Variants in RNF157 observed in about 807,000 individuals in gnomAD.
RNF157 encodes the protein ring finger protein 157.
A neutral mutation model predicts 88.3 loss-of-function variants in RNF157; 55 were observed. The ratio of observed to expected loss-of-function variants is 0.62; its 90% CI spans 0.50 to 0.78. The LOEUF is 0.78. RNF157 is among the 30% of genes least tolerant of loss of function. The probability of loss-of-function intolerance (pLI) is 0.00; values close to 1 mark genes in which losing one functional copy is unlikely to be tolerated. For synonymous variants in RNF157, 334 were observed against 341.2 expected, an observed-to-expected ratio of 0.98 and a Z score of 0.23; for missense variants, 788 against 860.8, an observed-to-expected ratio of 0.92 and a Z score of 1.06.
At chr17:76,182,542 C>G (rs1280457415) in intron 2 of RNF157, among the ~76,000 whole-genome samples, 3 of 150,280 alleles carry the variant, frequency 2.0e-5, no homozygotes, top group South Asian at 4.2e-4. Flanking sequence ...TTACACTACT[C>G]CTACGGTTGT....
chr17:76,203,352 C>T (rs2069619535), intron 2 of RNF157, among the ~76,000 whole-genome samples: 1 of 152,114 alleles, frequency 6.6e-6, no homozygotes, highest in Non-Finnish European at 1.5e-5. Flanking sequence ...GAAATTGAGA[C>T]TCACTGATTG....
At chr17:76,171,378 G>A (rs1281931550) in intron 3 of RNF157, among the ~76,000 whole-genome samples, 8 of 150,870 alleles carry the variant, frequency 5.3e-5, no homozygotes, top group South Asian at 2.1e-4. Flanking sequence ...TAGTAGAGAC[G>A]GGTTTTTACC....
rs1393486091 is a variant in RNF157 at position 76,240,418 on chromosome 17, C to T, written c.-178G>A. 1 of 152,812 alleles carries T rather than the reference C, an allele frequency of 6.5e-6. No individual in the cohort carries two copies. The highest frequency in any genetic ancestry group is 1.4e-5 in the Non-Finnish European group (1 of 71,998). 9.5% of individuals were successfully genotyped at this position (152,812 alleles called of 1,614,324 possible). ...CGGCGCGCCGCGCACCATCCTCCGC[C>T]GGGCACCGCGGCGGCGCCTCTGCCA... On this transcript the variant is annotated 5_prime_UTR_variant, in exon 1 of 19. Transcript: ENST00000269391. This position sits in a 1 kb window ranked among gnomAD's most constrained non-coding sequence, Gnocchi z 4.4.
Position 76,193,999 on chromosome 17 carries a change from CCA to C in RNF157, c.207+18363_207+18364del, listed in dbSNP as rs200383469. Among the ~76,000 whole-genome samples, 470 of 152,318 alleles carry C rather than the reference CCA, an allele frequency of 3.1e-3. 6 individuals are homozygous for C. The highest frequency in any genetic ancestry group is 0.011 in the African/African-American group (442 of 41,576). On this transcript the variant is annotated intron_variant, in intron 2 of 18. Transcript: ENST00000269391. Reference sequence around the variant, plus strand: ...CTCCCTGGACTACATGGGAACCAGGCCACAGAGAAGGCAATCACATTTCTATT... The same window carrying C: ...CTCCCTGGACTACATGGGAACCAGGCCAGAGAAGGCAATCACATTTCTATT...
Position 76,176,975 on chromosome 17 carries a change from T to G in RNF157, c.208-3185A>C, listed in dbSNP as rs1051036627. On this transcript the variant is annotated intron_variant, in intron 2 of 18. Transcript: ENST00000269391. This position sits in a 1 kb window ranked among gnomAD's most constrained non-coding sequence, Gnocchi z 4.2. ...GCCCGTCTGGGGCTGCGCCCCCAGGTCTGCCCCACATTGGGGTGACCACTG... is the reference window on the plus strand; with the variant it reads ...GCCCGTCTGGGGCTGCGCCCCCAGGGCTGCCCCACATTGGGGTGACCACTG... Among the ~76,000 whole-genome samples the G allele has an allele frequency of 6.6e-6, 1 of 152,028 alleles. No homozygotes were observed. Among genetic ancestry groups the G allele is most frequent in the Non-Finnish European group, 1.5e-5 (1 of 67,958 alleles).
Position 76,145,130 on chromosome 17 carries a change from G to A in RNF157, c.*105C>T. The A allele has an allele frequency of 1.4e-6, 1 of 703,240 alleles. No individual in the cohort carries two copies. The allele number at this position is 703,240 out of a possible 1,614,324, so 43.6% of individuals were successfully genotyped here. A position where few individuals can be genotyped will look rare whatever the true frequency, so the allele number is the denominator to read the frequency against. On this transcript the variant is annotated 3_prime_UTR_variant, in exon 19 of 19. Transcript: ENST00000269391. Reference sequence around the variant, plus strand: ...AGGTTGTAACAGCTGTCACAGGAGGGTAAAAAGTCTCCAGCATCTTGCTGA... The same window carrying A: ...AGGTTGTAACAGCTGTCACAGGAGGATAAAAAGTCTCCAGCATCTTGCTGA...
chr17:76,146,030 C>T lies in RNF157; in HGVS notation c.1922-677G>A, dbSNP rs1046863951. Among the ~76,000 whole-genome samples, 20 of 152,182 alleles carry T rather than the reference C, an allele frequency of 1.3e-4. No individual in the cohort carries two copies. Among genetic ancestry groups the T allele is most frequent in the Admixed American group, 1.1e-3 (17 of 15,288 alleles). On this transcript the variant is annotated intron_variant, in intron 18 of 18. Coordinates refer to ENST00000269391, the MANE Select transcript of RNF157 (RefSeq NM_052916.3). The surrounding 1 kb of genome is among the most constrained non-coding windows in gnomAD (Gnocchi z 4.2). ...CACAGATACCATCACTAAACGCATC[C>T]GCTCCCCAAATCTGCTGCTGCCCCC... is the stretch of plus-strand genomic sequence containing the variant.
rs927716183 is a variant in RNF157, at chr17:76,154,435, C to A, written c.1765-107G>T. 3 of 774,624 alleles carry A rather than the reference C, an allele frequency of 3.9e-6. No homozygotes were observed. In the East Asian group the frequency reaches 7.4e-5, roughly 19 times the overall value. 48.0% of individuals were successfully genotyped at this position (774,624 alleles called of 1,614,324 possible). A position where few individuals can be genotyped will look rare whatever the true frequency, so the allele number is the denominator to read the frequency against. On this transcript the variant is annotated intron_variant, in intron 16 of 18. Coordinates refer to ENST00000269391, the MANE Select transcript of RNF157 (RefSeq NM_052916.3). ...TACTGGTATCTAACTCCAGGGCCTA[C>A]GTTAATAGCATATATTTCCATCTGT...
At chr17:76,178,961 C>T (rs2069147854) in intron 2 of RNF157, among the ~76,000 whole-genome samples, 1 of 152,090 alleles carries the variant, frequency 6.6e-6, no homozygotes. Flanking sequence ...GATTAAAGTG[C>T]TGGTTATTAA....
At chr17:76,205,324 G>C (rs1378045888) in intron 2 of RNF157, among the ~76,000 whole-genome samples, 2 of 151,466 alleles carry the variant, frequency 1.3e-5, no homozygotes, top group South Asian at 2.1e-4. Flanking sequence ...TGTAGAGTCG[G>C]GGTTTTGCTA....
chr17:76,228,695 G>C (rs1050236379), intron 1 of RNF157, among the ~76,000 whole-genome samples: 9 of 152,290 alleles, frequency 5.9e-5, no homozygotes, highest in African/African-American at 2.2e-4. Flanking sequence ...GGCTGAGGCA[G>C]ATGAATCACC....
At chr17:76,214,872 G>A (rs1206043886) in intron 1 of RNF157, among the ~76,000 whole-genome samples, 2 of 152,116 alleles carry the variant, frequency 1.3e-5, no homozygotes, top group African/African-American at 4.8e-5. Flanking sequence ...AGTCACCAAA[G>A]GAGGCTTAGG....
chr17:76,154,174 C>A (rs568316856), intron 17 of RNF157, 109 bp downstream of exon 17: 6 of 805,538 alleles, frequency 7.4e-6, no homozygotes, highest in South Asian at 7.0e-5. Context: ...CAGCCCCATA[C>A]AACTGAGCAG....
Position 76,176,807 on chromosome 17 carries a change from C to T in RNF157, c.208-3017G>A, listed in dbSNP as rs536490828. Among the ~76,000 whole-genome samples, 4 of 152,108 alleles carry T rather than the reference C, an allele frequency of 2.6e-5. No individual in the cohort carries two copies. The South Asian group carries it at 6.2e-4, about 24-fold the overall frequency. On this transcript the variant is annotated intron_variant, in intron 2 of 18. Transcript: ENST00000269391. The surrounding 1 kb of genome is among the most constrained non-coding windows in gnomAD (Gnocchi z 4.2). ...ATGGAGCGCCAGGGCCAGGCCTGGG[C>T]GCGGAGCTGGGGCCATGCTTCAGGG...
intron 2 of RNF157, among the ~76,000 whole-genome samples, chr17:76,210,514 C>T (rs181857403): frequency 0.14 from 18,203 of 132,866 alleles, 1,297 homozygotes; most frequent in Admixed American, 0.24. Context: ...GGCGTGAACC[C>T]GGGAGGCAGA....
At chr17:76,180,720 TG>T (rs1346314940) in intron 2 of RNF157, among the ~76,000 whole-genome samples, 1 of 152,192 alleles carries the variant, frequency 6.6e-6, no homozygotes. Flanking sequence ...CCACCACACC[TG>T]GTCTTTTTAT....
rs2069467965 is a variant in RNF157, at chr17:76,195,788, C to T, written c.207+16576G>A. Among the ~76,000 whole-genome samples, 1 of 152,208 alleles carries T rather than the reference C, an allele frequency of 6.6e-6. No individual in the cohort carries two copies. The highest frequency in any genetic ancestry group is 6.6e-5 in the Admixed American group (1 of 15,266). On this transcript the variant is annotated intron_variant, in intron 2 of 18. Transcript: ENST00000269391. This position sits in a 1 kb window ranked among gnomAD's most constrained non-coding sequence, Gnocchi z 4.4. ...ACTTGACTCAAGAAGTGAGACTCAA[C>T]TCCAGAGGTGGGGCTCGCACATCAG...
intron 3 of RNF157, among the ~76,000 whole-genome samples, chr17:76,170,793 C>T (rs1426428319): frequency 1.3e-5 from 2 of 152,198 alleles, no homozygotes; most frequent in African/African-American, 4.8e-5. Flanking sequence ...TTAACGTTCA[C>T]TATGTGTTTC....
At chr17:76,153,332 G>T (rs1402556264) in intron 17 of RNF157, 1 of 152,286 alleles carries the variant, frequency 6.6e-6, no homozygotes, top group Non-Finnish European at 1.5e-5. Flanking sequence ...GACGGACGCA[G>T]CCTTGGCGGC....
Sources: allele counts gnomAD v4.1 joint callset (sites outside exome capture counted in the v4.1 genomes callset), GRCh38; gene constraint gnomAD v4.1.1; non-coding constraint Gnocchi (gnomAD v3.1); transcripts MANE v1.5; gene names NCBI Gene and HGNC (gene_info 2026-07-23, HGNC 2026-07-21).